Variants in CNTNAP5 observed in about 807,000 individuals in gnomAD.
The protein encoded by CNTNAP5 is contactin-associated protein-like 5.
CNTNAP5 carries 72 observed loss-of-function variants against 150.2 expected under a neutral mutation model. The observed-to-expected ratio is 0.48, with a 90% CI of 0.40 to 0.58. The LOEUF (loss-of-function observed/expected upper bound fraction) is 0.58, where lower values mean the gene tolerates loss of function less well. Among genes scored for constraint, CNTNAP5 ranks in the 20% least tolerant of loss-of-function variants. The pLI is 0.00. For missense variants in CNTNAP5, 1,636 were observed against 1,626.2 expected (o/e 1.01, Z -0.10); for synonymous variants, 672 against 619.8 (o/e 1.08, Z -1.25).
chr2:124,898,786 A>C lies in CNTNAP5; in HGVS notation c.3437-4096A>C, dbSNP rs116597003. Among the ~76,000 whole-genome samples, 1,401 of 151,620 alleles carry C rather than the reference A, an allele frequency of 9.2e-3. 19 individuals are homozygous for C. The highest frequency in any genetic ancestry group is 0.016 in the Non-Finnish European group (1,056 of 68,010). On this transcript the variant is annotated intron_variant, in intron 21 of 23. Coordinates refer to ENST00000682447, the MANE Select transcript of CNTNAP5 (RefSeq NM_001367498.1). Reference sequence around the variant, plus strand: ...TGTTGAGGGGCACTGAAGCCAGGCAACAGAGCTTGGAACTGATGAATAGTA... The same window carrying C: ...TGTTGAGGGGCACTGAAGCCAGGCACCAGAGCTTGGAACTGATGAATAGTA...
intron 1 of CNTNAP5, among the ~76,000 whole-genome samples, chr2:124,175,342 A>G (rs1685035850): frequency 6.6e-6 from 1 of 152,202 alleles, no homozygotes; most frequent in South Asian, 2.1e-4. Flanking sequence ...CAAAAGTTTG[A>G]TTGAATTAAT....
At chr2:124,607,667 GA>G (rs1393905626) in intron 11 of CNTNAP5, among the ~76,000 whole-genome samples, 1 of 152,142 alleles carries the variant, frequency 6.6e-6, no homozygotes, top group African/African-American at 2.4e-5. Flanking sequence ...GCCCTGCCAG[GA>G]AAAACCACCC....
chr2:124,464,898 G>A (rs1693341039), intron 6 of CNTNAP5, among the ~76,000 whole-genome samples: 1 of 152,154 alleles, frequency 6.6e-6, no homozygotes, highest in Non-Finnish European at 1.5e-5. Flanking sequence ...GAAGACAGCA[G>A]TTTGGATCCT....
In CNTNAP5 at chr2:124,039,227, T is replaced by A. The variant is rs185030067; in HGVS notation, c.82+13495T>A. Reference sequence around the variant, plus strand: ...GTTTTGTGAAAGCGCTTGCATTATCTACCTGCATTCCAGGCATTCCCTTGG... The same window carrying A: ...GTTTTGTGAAAGCGCTTGCATTATCAACCTGCATTCCAGGCATTCCCTTGG... On this transcript the variant is annotated intron_variant, in intron 1 of 23. Coordinates refer to ENST00000682447, the MANE Select transcript of CNTNAP5 (RefSeq NM_001367498.1). Among the ~76,000 whole-genome samples, 303 of 152,316 alleles carry A rather than the reference T, an allele frequency of 2.0e-3. 1 individual carries two copies. Among genetic ancestry groups the A allele is most frequent in the African/African-American group, 7.1e-3 (295 of 41,568 alleles).
intron 3 of CNTNAP5, among the ~76,000 whole-genome samples, chr2:124,319,288 A>T (rs184541894): frequency 1.3e-5 from 2 of 152,214 alleles, no homozygotes; most frequent in African/African-American, 4.8e-5. Context: ...TTTTCAGCAC[A>T]TTGATATGAT....
At chr2:124,134,464 C>T (rs1161603487) in intron 1 of CNTNAP5, among the ~76,000 whole-genome samples, 1 of 152,058 alleles carries the variant, frequency 6.6e-6, no homozygotes, top group Non-Finnish European at 1.5e-5. Flanking sequence ...TTGGAAACAA[C>T]ATTCTATTAT....
intron 3 of CNTNAP5, among the ~76,000 whole-genome samples, chr2:124,330,051 G>T (rs1052348211): frequency 2.0e-5 from 3 of 152,250 alleles, no homozygotes; most frequent in Non-Finnish European, 4.4e-5. Flanking sequence ...GATTTGGGTG[G>T]ATTCTTCTCT....
chr2:124,900,953 GT>G (rs1312208426), intron 21 of CNTNAP5, among the ~76,000 whole-genome samples: 1 of 151,560 alleles, frequency 6.6e-6, no homozygotes, highest in Non-Finnish European at 1.5e-5. Flanking sequence ...GTCCATTAAA[GT>G]TTTTTGTGAG....
intron 19 of CNTNAP5, among the ~76,000 whole-genome samples, chr2:124,835,775 G>A (rs1464050038): frequency 3.3e-5 from 5 of 151,992 alleles, no homozygotes; most frequent in Admixed American, 2.6e-4. Context: ...TTGCAGCCAC[G>A]GAGCAGAGAG....
At chr2:124,722,434 T>G (rs572019784) in intron 13 of CNTNAP5, among the ~76,000 whole-genome samples, 1 of 152,292 alleles carries the variant, frequency 6.6e-6, no homozygotes, top group Admixed American at 6.5e-5. Context: ...GACATTCTCC[T>G]GCCAAAAAGG....
intron 19 of CNTNAP5, among the ~76,000 whole-genome samples, chr2:124,850,234 G>T (rs1268595024): frequency 6.6e-6 from 1 of 152,080 alleles, no homozygotes; most frequent in Non-Finnish European, 1.5e-5. Context: ...CTGGAACTGA[G>T]GATTTTATTT....
chr2:124,556,243 T>G (rs1470769033), intron 10 of CNTNAP5, among the ~76,000 whole-genome samples: 1 of 152,192 alleles, frequency 6.6e-6, no homozygotes, highest in Non-Finnish European at 1.5e-5. Context: ...CTTGGACAAG[T>G]TATTCACCCT....
Position 124,914,501 on chromosome 2 carries a change from C to T in CNTNAP5, c.*213C>T, listed in dbSNP as rs546472762. ...CTGCCTTCCTCTCTGATGAACCTAT[C>T]GGGTGAAAACGACCACTCAAGAGAC... On this transcript the variant is annotated 3_prime_UTR_variant, in exon 24 of 24. Coordinates refer to ENST00000682447, the MANE Select transcript of CNTNAP5 (RefSeq NM_001367498.1). The T allele has an allele frequency of 9.8e-5, 52 of 531,220 alleles. No individual in the cohort carries two copies. Among genetic ancestry groups the T allele is most frequent in the Middle Eastern group, 5.1e-4 (1 of 1,944 alleles). The allele number at this position is 531,220 out of a possible 1,614,324, so 32.9% of individuals were successfully genotyped here. A position where few individuals can be genotyped will look rare whatever the true frequency, so the allele number is the denominator to read the frequency against.
intron 1 of CNTNAP5, among the ~76,000 whole-genome samples, chr2:124,032,997 A>C (rs1220296528): frequency 1.3e-5 from 2 of 152,156 alleles, no homozygotes; most frequent in Admixed American, 1.3e-4. Context: ...TGACAGGGGG[A>C]TAAACCAGGG....
rs542260130 is a variant in CNTNAP5 at position 124,285,224 on chromosome 2, A to G, written c.381+42831A>G. 2.0e-5 allele frequency among the ~76,000 whole-genome samples: 3 copies of G among 152,276 alleles called. No homozygotes were observed. The East Asian group carries it at 5.8e-4, about 29-fold the overall frequency. The stretch of plus-strand genomic sequence containing the variant: ...ACCTTTGTAATGCCTGAGTCAGTGC[A>G]GTTTTGCATGAGTTCCCTGGAGAAT... On this transcript the variant is annotated intron_variant, in intron 3 of 23. Transcript: ENST00000682447.
chr2:124,609,793 C>A lies in CNTNAP5; in HGVS notation c.1757-8C>A. On this transcript the variant is annotated splice_polypyrimidine_tract_variant and splice_region_variant and intron_variant, in intron 11 of 23. Transcript: ENST00000682447. Reference sequence around the variant, plus strand: ...AAAGTTTTATCTCTGCTGCCTTTGTCTTTCCAGCCATCTACGAGCAATCCT... The same window carrying A: ...AAAGTTTTATCTCTGCTGCCTTTGTATTTCCAGCCATCTACGAGCAATCCT... The A allele has an allele frequency of 6.2e-7, 1 of 1,612,968 alleles. No individual in the cohort carries two copies. Among genetic ancestry groups the A allele is most frequent in the African/African-American group, 1.3e-5 (1 of 75,048 alleles).
chr2:124,828,175 C>A (rs1265333541), intron 19 of CNTNAP5, among the ~76,000 whole-genome samples: 1 of 152,096 alleles, frequency 6.6e-6, no homozygotes, highest in East Asian at 1.9e-4. Context: ...ATAATGTCTA[C>A]TTGTTATTTA....
intron 10 of CNTNAP5, among the ~76,000 whole-genome samples, chr2:124,530,971 G>A (rs1308152409): frequency 1.3e-5 from 2 of 151,986 alleles, no homozygotes; most frequent in Non-Finnish European, 2.9e-5. Context: ...TTGGGGAGAT[G>A]GTTTCAGGAT....
At position 124,195,693 on chromosome 2, in the gene CNTNAP5, C is replaced by A. The variant is rs113388728; in HGVS notation, c.83-26012C>A. Among the ~76,000 whole-genome samples, 523 of 152,128 alleles carry A rather than the reference C, an allele frequency of 3.4e-3. 4 individuals carry two copies. The highest frequency in any genetic ancestry group is 0.012 in the African/African-American group (478 of 41,492). ...ACACATAATCATATAAGAATGATGG[C>A]TTGTGGAGGATGCAGAGGGGAATGG... On this transcript the variant is annotated intron_variant, in intron 1 of 23. Coordinates refer to ENST00000682447, the MANE Select transcript of CNTNAP5 (RefSeq NM_001367498.1).
Sources: gnomAD v4.1 joint callset for allele counts (sites outside exome capture counted in the v4.1 genomes callset) on GRCh38, gnomAD v4.1.1 for gene constraint, MANE v1.5 for transcripts, NCBI Gene and HGNC (gene_info 2026-07-23, HGNC 2026-07-21) for gene names.